The following SUMF1 variants were observed in gnomAD, a reference collection of about 807,000 sequenced individuals.
SUMF1 encodes the protein sulfatase modifying factor 1.
SUMF1 carries 48 observed loss-of-function variants against 47.6 expected under a neutral mutation model. That is an observed-to-expected ratio of 1.01 (90% CI 0.80 to 1.28). The LOEUF is 1.28. Among genes scored for constraint, SUMF1 ranks in the 50% most tolerant of loss-of-function variants. The pLI, the probability that SUMF1 is intolerant of heterozygous loss-of-function variation, is 0.00. For missense variants in SUMF1, 571 were observed against 485.4 expected (o/e 1.18, Z -1.66); for synonymous variants, 230 against 192.1 (o/e 1.20, Z -1.63).
At chr3:4,200,387 G>A (rs1559559266) in intron 8 of SUMF1, among the ~76,000 whole-genome samples, 1 of 151,954 alleles carries the variant, frequency 6.6e-6, no homozygotes, top group Non-Finnish European at 1.5e-5. Flanking sequence ...TCTGCTGGGA[G>A]CCCAGATAAA....
intron 4 of SUMF1, 48 bp from the exon 5 acceptor site, chr3:4,418,180 G>C (rs1215236591): frequency 1.2e-6 from 2 of 1,612,668 alleles, no homozygotes; most frequent in Non-Finnish European, 1.7e-6. Context: ...ATCAGAACAA[G>C]AAGCAGGAGC....
At chr3:4,258,529 C>G (rs1016711151) in intron 8 of SUMF1, among the ~76,000 whole-genome samples, 65 of 151,298 alleles carry the variant, frequency 4.3e-4, no homozygotes, top group African/African-American at 1.5e-3. Flanking sequence ...TCATCACTAG[C>G]CATCAGAGAA....
intron 7 of SUMF1, among the ~76,000 whole-genome samples, chr3:4,381,678 G>T (rs970965679): frequency 6.6e-6 from 1 of 152,192 alleles, no homozygotes; most frequent in Non-Finnish European, 1.5e-5. Flanking sequence ...GAAAATAGAA[G>T]AGTTATGAGT....
chr3:4,154,975 G>A (rs941145162), intron 8 of SUMF1, among the ~76,000 whole-genome samples: 1 of 151,598 alleles, frequency 6.6e-6, no homozygotes, highest in African/African-American at 2.4e-5. Flanking sequence ...CTGGGGCTCA[G>A]CAGAGAAAGG....
At position 4,116,866 on chromosome 3, in the gene SUMF1, C is replaced by T. The variant is rs114717184; in HGVS notation, c.1015-48121G>A. On this transcript the variant is annotated intron_variant and NMD_transcript_variant, in intron 8 of 12. Transcript: ENST00000448413. Reference sequence around the variant, plus strand: ...TCAAATCATGAGTCCAAATCTGTCACCACTTGGAAGATAAATAAGGTCAGG... The same window carrying T: ...TCAAATCATGAGTCCAAATCTGTCATCACTTGGAAGATAAATAAGGTCAGG... 2.6e-3 allele frequency among the ~76,000 whole-genome samples: 403 copies of T among 152,150 alleles called. 3 individuals are homozygous for T. The highest frequency in any genetic ancestry group is 9.3e-3 in the African/African-American group (384 of 41,484).
intron 8 of SUMF1, among the ~76,000 whole-genome samples, chr3:4,273,690 A>AGGGAGGATACGGGAGGGAGGATACGGGAG (rs2125038658): frequency 9.9e-6 from 1 of 101,326 alleles, no homozygotes; most frequent in African/African-American, 4.4e-5. Context: ...GAAGGAAGGG[A>AGGGAGGATACGGGAGGGAGGATACGGGAG]GGGAGGATAC....
chr3:4,311,021 A>G (rs193014507), intron 8 of SUMF1, among the ~76,000 whole-genome samples: 162 of 152,334 alleles, frequency 1.1e-3, no homozygotes, highest in South Asian at 2.3e-3. Context: ...TTTCTAACCT[A>G]TCCTTTATCC....
At chr3:4,111,206 T>A (rs1425188522) in intron 8 of SUMF1, among the ~76,000 whole-genome samples, 4 of 151,842 alleles carry the variant, frequency 2.6e-5, no homozygotes, top group African/African-American at 9.7e-5. Context: ...AACTTGGGTA[T>A]AGGAAAATTT....
intron 1 of SUMF1, among the ~76,000 whole-genome samples, chr3:4,456,861 T>TAC (rs1491413697): frequency 1.3e-3 from 13 of 9,962 alleles, no homozygotes; most frequent in East Asian, 4.1e-3. Context: ...TGTATATATA[T>TAC]GTGTGTGTAT....
At chr3:4,252,288 G>C (rs934444872) in intron 8 of SUMF1, among the ~76,000 whole-genome samples, 3 of 151,818 alleles carry the variant, frequency 2.0e-5, no homozygotes, top group South Asian at 2.1e-4. Flanking sequence ...CTTCTGAAAA[G>C]TCAACAAGAA....
At chr3:4,418,283 C>G (rs933971446) in intron 4 of SUMF1, 151 bp from the exon 5 acceptor site, 41 of 1,184,474 alleles carry the variant, frequency 3.5e-5, no homozygotes, top group Non-Finnish European at 4.8e-5. Flanking sequence ...CATGCTACAT[C>G]TGTCATGCTC....
At chr3:4,188,132 C>A (rs1695241350) in intron 8 of SUMF1, among the ~76,000 whole-genome samples, 2 of 151,892 alleles carry the variant, frequency 1.3e-5, no homozygotes, top group South Asian at 2.1e-4. Flanking sequence ...TGAACCTACA[C>A]AGACACATCA....
intron 8 of SUMF1, among the ~76,000 whole-genome samples, chr3:4,185,645 G>C (rs1388303296): frequency 6.6e-6 from 1 of 152,138 alleles, no homozygotes; most frequent in Non-Finnish European, 1.5e-5. Flanking sequence ...ATGATATCAA[G>C]AGATGCCACA....
chr3:4,141,306 C>A (rs560708517), intron 8 of SUMF1, among the ~76,000 whole-genome samples: 77 of 152,120 alleles, frequency 5.1e-4, no homozygotes, highest in African/African-American at 1.8e-3. Context: ...TTTGTGTAAA[C>A]AAAAGATTTA....
At chr3:4,317,928 G>C (rs1698727365) in intron 8 of SUMF1, among the ~76,000 whole-genome samples, 2 of 152,164 alleles carry the variant, frequency 1.3e-5, no homozygotes, top group African/African-American at 4.8e-5. Context: ...GGTGTAATTA[G>C]GATATAATGT....
chr3:4,269,479 C>A (rs1053647070), intron 8 of SUMF1, among the ~76,000 whole-genome samples: 1 of 152,158 alleles, frequency 6.6e-6, no homozygotes, highest in Non-Finnish European at 1.5e-5. Context: ...AGTCATGAAT[C>A]ATAATTAAAG....
At chr3:4,392,506 G>C (rs1700899732) in intron 7 of SUMF1, among the ~76,000 whole-genome samples, 1 of 150,950 alleles carries the variant, frequency 6.6e-6, no homozygotes, top group Admixed American at 6.6e-5. Context: ...CTGAAAACTA[G>C]ACATTTAAGA....
At chr3:4,242,945 T>C (rs1696576141) in intron 8 of SUMF1, among the ~76,000 whole-genome samples, 1 of 152,224 alleles carries the variant, frequency 6.6e-6, no homozygotes, top group Non-Finnish European at 1.5e-5. Context: ...ATTGCCTCAA[T>C]TTCAGAGCCT....
intron 3 of SUMF1, among the ~76,000 whole-genome samples, chr3:4,425,183 T>G (rs141522318): frequency 5.2e-4 from 79 of 152,020 alleles, no homozygotes; most frequent in African/African-American, 1.9e-3. Context: ...GACCCTGGAG[T>G]CAAGCTGCCT....
Sources: gnomAD v4.1 joint callset for allele counts (sites outside exome capture counted in the v4.1 genomes callset) on GRCh38, gnomAD v4.1.1 for gene constraint, MANE v1.5 for transcripts, NCBI Gene and HGNC (gene_info 2026-07-23, HGNC 2026-07-21) for gene names.